MAP7: variants seen among roughly 807,000 people sequenced by gnomAD.
The protein encoded by MAP7 is ensconsin.
In MAP7, 52 loss-of-function variants were observed where a neutral mutation model predicts 94.8. That is an observed-to-expected ratio of 0.55 (90% CI 0.44 to 0.69). The LOEUF is 0.69. Ranked by LOEUF, MAP7 falls within the 30% of genes least tolerant of loss-of-function variation. The pLI is 0.00. For synonymous variants in MAP7, 350 were observed against 357.0 expected (o/e 0.98, Z 0.22); for missense variants, 940 against 964.6 (o/e 0.97, Z 0.34).
rs187700979 is a variant in MAP7, at chr6:136,369,710, T to G, written c.876+2791A>C. Among the ~76,000 whole-genome samples the G allele has an allele frequency of 1.0e-3, 152 of 152,294 alleles. 1 individual carries two copies. Among genetic ancestry groups the G allele is most frequent in the African/African-American group, 3.5e-3 (146 of 41,562 alleles). ...CAAATGATGCAGGGAAAACTGGATATCCAAATGCAAAAGAATGAAGTTGGA... is the reference window on the plus strand; with the variant it reads ...CAAATGATGCAGGGAAAACTGGATAGCCAAATGCAAAAGAATGAAGTTGGA... On this transcript the variant is annotated intron_variant, in intron 8 of 17. Transcript: ENST00000354570.
chr6:136,403,418 C>T (rs974642011), intron 3 of MAP7, among the ~76,000 whole-genome samples: 1 of 152,166 alleles, frequency 6.6e-6, no homozygotes, highest in Non-Finnish European at 1.5e-5. Flanking sequence ...AGTGAAGTAA[C>T]CTGCCCGATG....
At chr6:136,477,216 A>G (rs868221445) in intron 1 of MAP7, among the ~76,000 whole-genome samples, 6 of 152,224 alleles carry the variant, frequency 3.9e-5, no homozygotes, top group African/African-American at 1.4e-4. Flanking sequence ...ATGGAGAACA[A>G]AACATCACTT....
chr6:136,363,980 G>A (rs951752739), intron 10 of MAP7: 5 of 229,450 alleles, frequency 2.2e-5, no homozygotes, highest in Non-Finnish European at 3.4e-5. Context: ...TAGATGTGGT[G>A]GTTTAAAAAT....
At chr6:136,533,466 T>A (rs1284201106) in intron 1 of MAP7, among the ~76,000 whole-genome samples, 1 of 152,162 alleles carries the variant, frequency 6.6e-6, no homozygotes, top group Non-Finnish European at 1.5e-5. Context: ...CAGCATTAAG[T>A]CTTTAGGACA....
intron 2 of MAP7, among the ~76,000 whole-genome samples, chr6:136,413,808 T>C (rs1788296373): frequency 6.6e-6 from 1 of 152,064 alleles, no homozygotes; most frequent in Non-Finnish European, 1.5e-5. Flanking sequence ...GACAGGATTT[T>C]GCTATGTTGC....
intron 1 of MAP7, among the ~76,000 whole-genome samples, chr6:136,541,990 C>T (rs1829361145): frequency 6.6e-6 from 1 of 152,096 alleles, no homozygotes; most frequent in Non-Finnish European, 1.5e-5. Context: ...ACCTGGGAGG[C>T]AGAGGTTACC....
At chr6:136,416,527 C>A (rs1582849183) in intron 2 of MAP7, among the ~76,000 whole-genome samples, 1 of 152,272 alleles carries the variant, frequency 6.6e-6, no homozygotes. Flanking sequence ...ATAGGTCAGC[C>A]AGGCGCGGTG....
intron 2 of MAP7, among the ~76,000 whole-genome samples, chr6:136,418,164 GT>G (rs1406095204): frequency 6.6e-6 from 1 of 152,160 alleles, no homozygotes; most frequent in Non-Finnish European, 1.5e-5. Context: ...AGAACATAGT[GT>G]GCTCATAGTT....
At chr6:136,428,433 T>C (rs533601382) in intron 1 of MAP7, among the ~76,000 whole-genome samples, 1 of 152,070 alleles carries the variant, frequency 6.6e-6, no homozygotes, top group Non-Finnish European at 1.5e-5. Flanking sequence ...GGCAGGAGAA[T>C]CGCTTGAACC....
chr6:136,441,359 C>CA (rs1038299991), intron 1 of MAP7, among the ~76,000 whole-genome samples: 2 of 151,878 alleles, frequency 1.3e-5, no homozygotes, highest in Non-Finnish European at 1.5e-5. Context: ...GTTTACATTG[C>CA]AAAAAAACAA....
Position 136,411,622 on chromosome 6 carries a change from A to G in MAP7, c.242T>C (p.Leu81Pro). 1 of 1,558,984 alleles carries G rather than the reference A, an allele frequency of 6.4e-7. No homozygotes were observed. The highest frequency in any genetic ancestry group is 8.7e-7 in the Non-Finnish European group (1 of 1,150,434). ...RERREEREKQ[L>P]AAREIVWLER... ...CATGGACACGGGGCCTGGGGTACCT[A>G]GCTGTTTCTCCCGTTCCTCACGTCG... The change falls in exon 3 of 18, where the codon CTA becomes CCA. Residue 81 changes from leucine to proline, a missense_variant and splice_region_variant. By Grantham distance (98) the Leu-to-Pro change is moderately conservative. Coordinates refer to ENST00000354570, the MANE Select transcript of MAP7 (RefSeq NM_003980.6).
At chr6:136,514,235 T>C (rs898250437) in intron 1 of MAP7, among the ~76,000 whole-genome samples, 1 of 152,188 alleles carries the variant, frequency 6.6e-6, no homozygotes, top group Non-Finnish European at 1.5e-5. Flanking sequence ...TCAAAATTAT[T>C]CCTTGATCCA....
chr6:136,550,384 C>T lies in MAP7; in HGVS notation c.25G>A (p.Asp9Asn), dbSNP rs756078899. Residue 9 changes from aspartate to asparagine, a missense_variant, in exon 1 of 18, where the codon GAC becomes AAC. Transcript: ENST00000354570. This position sits in a 1 kb window ranked among gnomAD's most constrained non-coding sequence, Gnocchi z 5.1. ...GCGCCGTCGCCGCCCCTGTGGCCGT[C>T]GCCGCCAGCTCCTAGCTCCGCCATG... is the stretch of plus-strand genomic sequence containing the variant. MAELGAGGDGHRGGDGAVR... is the reference protein window; with the variant it reads MAELGAGGNGHRGGDGAVR... 1 of 1,529,542 alleles carries T rather than the reference C, an allele frequency of 6.5e-7. No individual in the cohort carries two copies. Among genetic ancestry groups the T allele is most frequent in the South Asian group, 1.2e-5 (1 of 83,444 alleles). 94.7% of individuals were successfully genotyped at this position (1,529,542 alleles called of 1,614,324 possible).
chr6:136,430,359 T>A (rs1478571071), intron 1 of MAP7, among the ~76,000 whole-genome samples: 3 of 152,238 alleles, frequency 2.0e-5, no homozygotes, highest in Non-Finnish European at 4.4e-5. Context: ...AAAGCTTTCA[T>A]ACTTACAAAG....
At chr6:136,430,532 G>T (rs1473939709) in intron 1 of MAP7, among the ~76,000 whole-genome samples, 2 of 152,154 alleles carry the variant, frequency 1.3e-5, no homozygotes, top group Non-Finnish European at 2.9e-5. Flanking sequence ...ATACACTGCT[G>T]TCGAATATCA....
intron 1 of MAP7, among the ~76,000 whole-genome samples, chr6:136,509,102 C>T (rs545701405): frequency 6.6e-6 from 1 of 152,274 alleles, no homozygotes; most frequent in South Asian, 2.1e-4. Context: ...CAATAAATAA[C>T]CAAGAAATCC....
chr6:136,381,919 C>CACACACACACACACAGAGAG (rs373754692), intron 6 of MAP7, among the ~76,000 whole-genome samples: 11 of 103,032 alleles, frequency 1.1e-4, no homozygotes, highest in African/African-American at 3.5e-4. Flanking sequence ...CACACACACA[C>CACACACACACACACAGAGAG]AGAGAGAGAG....
rs3778313 is a variant in MAP7 at position 136,516,829 on chromosome 6, A to G, written c.67+33513T>C. Among the ~76,000 whole-genome samples, 1,988 of 152,282 alleles carry G rather than the reference A, an allele frequency of 0.013. 82 individuals are homozygous for G. In the East Asian group the frequency reaches 0.14, roughly 10 times the overall value. On this transcript the variant is annotated intron_variant, in intron 1 of 17. Transcript: ENST00000354570. ...AGCCTGCAAAAATAAGCCTGGATACATTTGGCATCCCCAGTGTAAGCATCC... is the reference window on the plus strand; with the variant it reads ...AGCCTGCAAAAATAAGCCTGGATACGTTTGGCATCCCCAGTGTAAGCATCC...
intron 1 of MAP7, among the ~76,000 whole-genome samples, chr6:136,522,450 CTGAGT>C (rs1172519617): frequency 1.3e-5 from 2 of 152,118 alleles, no homozygotes; most frequent in East Asian, 1.9e-4. Context: ...TTCTCTCTTA[CTGAGT>C]TATTTGATGT....
Sources: gnomAD v4.1 joint callset for allele counts (sites outside exome capture counted in the v4.1 genomes callset) on GRCh38, gnomAD v4.1.1 for gene constraint, Gnocchi (gnomAD v3.1) non-coding constraint, MANE v1.5 for transcripts, NCBI Gene and HGNC (gene_info 2026-07-23, HGNC 2026-07-21) for gene names.